CDKL4: variants seen among roughly 807,000 people sequenced by gnomAD.
The protein encoded by CDKL4 is cyclin-dependent kinase-like 4.
In CDKL4, 44 loss-of-function variants were observed where a neutral mutation model predicts 42.0. The observed-to-expected ratio is 1.05, with a 90% CI of 0.82 to 1.35. CDKL4 has a LOEUF of 1.35. CDKL4 is among the 40% of genes most tolerant of loss of function. The pLI, the probability that CDKL4 is intolerant of heterozygous loss-of-function variation, is 0.00. For missense variants in CDKL4, 393 were observed against 369.9 expected, an observed-to-expected ratio of 1.06 and a Z score of -0.51; for synonymous variants, 120 against 121.6, an observed-to-expected ratio of 0.99 and a Z score of 0.09.
chr2:39,225,729 T>C, intron 3 of CDKL4, 110 bp downstream of exon 3: 1 of 1,074,872 alleles, frequency 9.3e-7, no homozygotes, highest in Non-Finnish European at 1.3e-6. Context: ...CCAGATGCAT[T>C]GTGGTAGAAA....
rs544757862 is a variant in CDKL4, at chr2:39,187,298, C to T, written c.735+329G>A. Among the ~76,000 whole-genome samples, 238 of 152,184 alleles carry T rather than the reference C, an allele frequency of 1.6e-3. 2 individuals are homozygous for T. The highest frequency in any genetic ancestry group is 5.0e-3 in the African/African-American group (206 of 41,506). On this transcript the variant is annotated intron_variant, in intron 7 of 9. Coordinates refer to ENST00000451199, the Ensembl canonical transcript of CDKL4. ...CTTTCCTTTATAAATTACCCAGTCT[C>T]GGGGAAGTTCTTTACAGCAGTGTGA... is the stretch of plus-strand genomic sequence containing the variant.
intron 1 of CDKL4, among the ~76,000 whole-genome samples, chr2:39,235,688 A>G (rs1176738571): frequency 1.3e-5 from 2 of 152,162 alleles, no homozygotes; most frequent in African/African-American, 4.8e-5. Context: ...TCAAGGTTAT[A>G]GTACTGTAGA....
intron 8 of CDKL4, among the ~76,000 whole-genome samples, chr2:39,180,387 C>A (rs768572056): frequency 5.6e-4 from 85 of 152,268 alleles, no homozygotes; most frequent in Non-Finnish European, 1.1e-3. Flanking sequence ...CAGCCGGGCA[C>A]TGCCCTGTGG....
intron 5 of CDKL4, 130 bp from the exon 6 acceptor site, chr2:39,190,632 G>A (rs1676129734): frequency 1.4e-6 from 1 of 695,396 alleles, no homozygotes; most frequent in African/African-American, 1.8e-5. Context: ...AATGCATTGA[G>A]GCACTAATTG....
intron 1 of CDKL4, among the ~76,000 whole-genome samples, chr2:39,242,927 A>G (rs1425751604): frequency 2.0e-5 from 3 of 151,672 alleles, no homozygotes; most frequent in Non-Finnish European, 4.4e-5. Context: ...GTGAAACCCC[A>G]TTTCTTCTAA....
intron 4 of CDKL4, among the ~76,000 whole-genome samples, chr2:39,206,064 T>G (rs976878501): frequency 6.6e-6 from 1 of 151,868 alleles, no homozygotes; most frequent in South Asian, 2.1e-4. Context: ...GTTTTTTGTT[T>G]TTTTTTTGAG....
intron 2 of CDKL4, 98 bp from the exon 3 acceptor site, chr2:39,226,058 A>T: frequency 8.2e-7 from 1 of 1,223,212 alleles, no homozygotes; most frequent in Non-Finnish European, 1.1e-6. Flanking sequence ...GAAATTTAAG[A>T]TTCATCCAAT....
chr2:39,194,283 A>T (rs1277011936), intron 5 of CDKL4, among the ~76,000 whole-genome samples: 1 of 152,296 alleles, frequency 6.6e-6, no homozygotes, highest in East Asian at 1.9e-4. Flanking sequence ...ATGGTGAAAC[A>T]CTGTGTCTAC....
chr2:39,192,932 C>T lies in CDKL4; in HGVS notation c.455-2430G>A, dbSNP rs77666085. ...TGTGAGCCCAGGAGTTTGAGGCCAG[C>T]CTGGGCAACATGGTGAAATCTTGTC... On this transcript the variant is annotated intron_variant, in intron 5 of 9. Coordinates refer to ENST00000451199, the Ensembl canonical transcript of CDKL4. Among the ~76,000 whole-genome samples the T allele has an allele frequency of 8.6e-3, 1,310 of 151,806 alleles. 23 individuals carry two copies. Among genetic ancestry groups the T allele is most frequent in the African/African-American group, 0.03 (1,224 of 41,382 alleles).
chr2:39,219,455 C>T (rs1490485878), intron 3 of CDKL4, among the ~76,000 whole-genome samples: 2 of 151,960 alleles, frequency 1.3e-5, no homozygotes, highest in African/African-American at 4.8e-5. Context: ...GAGTCTCGCT[C>T]TGTCACTCAG....
intron 8 of CDKL4, 37 bp downstream of exon 8, chr2:39,184,554 T>G: frequency 6.7e-7 from 1 of 1,484,770 alleles, no homozygotes; most frequent in Non-Finnish European, 9.4e-7. Context: ...TCATTACAAT[T>G]TATAGCTAAT....
downstream of CDKL4, among the ~76,000 whole-genome samples, chr2:39,175,111 C>G (rs1399663297): frequency 6.6e-6 from 1 of 152,096 alleles, no homozygotes; most frequent in East Asian, 1.9e-4. Context: ...TGTTTACAAA[C>G]CAACCTGATT....
intron 3 of CDKL4, among the ~76,000 whole-genome samples, chr2:39,223,697 T>C (rs111779402): frequency 0.038 from 5,727 of 150,736 alleles, 385 homozygotes; most frequent in African/African-American, 0.13. Context: ...ACTGCAGCCT[T>C]CACCTCTTGA....
rs13423199 is a variant in CDKL4 at position 39,185,225 on chromosome 2, C to T, written c.736-578G>A. Among the ~76,000 whole-genome samples, 35 of 9,386 alleles carry T rather than the reference C, an allele frequency of 3.7e-3. 1 individual carries two copies. The highest frequency in any genetic ancestry group is 5.8e-3 in the Admixed American group (7 of 1,214). 6.2% of individuals were successfully genotyped at this position (9,386 alleles called of 152,430 possible). A position where few individuals can be genotyped will look rare whatever the true frequency, so the allele number is the denominator to read the frequency against. On this transcript the variant is annotated intron_variant, in intron 7 of 9. Coordinates refer to ENST00000451199, the Ensembl canonical transcript of CDKL4. ...ACACATACGTATATATACATATATA[C>T]ACATACGTATATATACATATATACA...
intron 5 of CDKL4, among the ~76,000 whole-genome samples, chr2:39,201,874 T>C (rs904732604): frequency 2.6e-5 from 4 of 152,072 alleles, no homozygotes; most frequent in Admixed American, 6.5e-5. Flanking sequence ...AGACTACACA[T>C]TGGGCACAGT....
intron 2 of CDKL4, among the ~76,000 whole-genome samples, chr2:39,226,468 T>TATATATTATATATATATA (rs1558580622): frequency 9.8e-6 from 1 of 101,994 alleles, no homozygotes; most frequent in Non-Finnish European, 2.6e-5. Flanking sequence ...ATATATATTA[T>TATATATTATATATATATA]ATATATATAA....
intron 6 of CDKL4, among the ~76,000 whole-genome samples, chr2:39,188,614 T>A (rs1675982200): frequency 6.8e-6 from 1 of 146,034 alleles, no homozygotes; most frequent in African/African-American, 2.5e-5. Flanking sequence ...AATGGTACTA[T>A]GGTCTTTACA....
the CDKL4 span, among the ~76,000 whole-genome samples, chr2:39,170,066 G>A: frequency 3.4e-4 from 52 of 152,048 alleles, 1 homozygote; most frequent in South Asian, 5.8e-3. Context: ...GTTTTGACAT[G>A]TTGCCCAGGC....
intron 9 of CDKL4, among the ~76,000 whole-genome samples, chr2:39,177,385 T>C (rs1027186603): frequency 4.0e-5 from 6 of 149,704 alleles, no homozygotes; most frequent in Non-Finnish European, 5.9e-5. Context: ...CAGGCCAGTG[T>C]TGGGGGGAAT....
Sources: allele counts gnomAD v4.1 joint callset (sites outside exome capture counted in the v4.1 genomes callset), GRCh38; gene constraint gnomAD v4.1.1; transcripts MANE v1.5; gene names NCBI Gene and HGNC (gene_info 2026-07-23, HGNC 2026-07-21).